SVEP1: variants seen among roughly 807,000 people sequenced by gnomAD.
SVEP1 encodes the protein sushi, von Willebrand factor type A, EGF and pentraxin domain-containing protein 1.
SVEP1 carries 164 observed loss-of-function variants against 367.3 expected under a neutral mutation model. The observed-to-expected ratio is 0.45, with a 90% CI of 0.39 to 0.51. The LOEUF (loss-of-function observed/expected upper bound fraction) is 0.51. SVEP1 is among the 20% of genes least tolerant of loss of function. SVEP1 has a pLI of 0.00. For synonymous variants in SVEP1, 1,666 were observed against 1,611.6 expected, an observed-to-expected ratio of 1.03 and a Z score of -0.81; for missense variants, 4,117 against 4,425.3, an observed-to-expected ratio of 0.93 and a Z score of 1.98.
chr9:110,507,128 A>G (rs1564162246), intron 5 of SVEP1, among the ~76,000 whole-genome samples: 1 of 152,332 alleles, frequency 6.6e-6, no homozygotes, highest in East Asian at 1.9e-4. Flanking sequence ...CAAGCATTGG[A>G]CATCGTACAA....
rs115999560 is a variant in SVEP1, at chr9:110,563,196, C to T, written c.532-13092G>A. 4.5e-3 allele frequency among the ~76,000 whole-genome samples: 689 copies of T among 152,122 alleles called. 5 individuals are homozygous for T. Among genetic ancestry groups the T allele is most frequent in the African/African-American group, 0.015 (640 of 41,502 alleles). ...TGGTATATCTACATGAAAAAATATA[C>T]TTGAAAGGTAATTTTAGAGGAATCT... On this transcript the variant is annotated intron_variant, in intron 1 of 47. Coordinates refer to ENST00000374469, the MANE Select transcript of SVEP1 (RefSeq NM_153366.4).
At chr9:110,394,046 G>C (rs1321396621) in intron 40 of SVEP1, among the ~76,000 whole-genome samples, 3 of 152,202 alleles carry the variant, frequency 2.0e-5, no homozygotes, top group African/African-American at 4.8e-5. Context: ...TCTGACAACA[G>C]GCAGACTGCC....
At position 110,382,213 on chromosome 9, in the gene SVEP1, G is replaced by A. The variant is rs1309974814; in HGVS notation, c.10238-2696C>T. ...TTCAGGGTGTTTTTTGTAGCGGCTGGTAACAATTCTTCCTCTCCATATTTA... is the reference window on the plus strand; with the variant it reads ...TTCAGGGTGTTTTTTGTAGCGGCTGATAACAATTCTTCCTCTCCATATTTA... On this transcript the variant is annotated intron_variant, in intron 43 of 47. Transcript: ENST00000374469. 4.6e-5 allele frequency among the ~76,000 whole-genome samples: 7 copies of A among 152,106 alleles called. No homozygotes were observed. The East Asian group carries it at 1.3e-3, about 29-fold the overall frequency.
Position 110,411,305 on chromosome 9 carries a change from G to C in SVEP1, c.6406C>G (p.Pro2136Ala). The change falls in exon 37 of 48, where the codon CCC becomes GCC. Residue 2136 changes from proline (P) to alanine (A), a missense_variant. Pro to Ala is a conservative substitution (Grantham distance 27). Transcript: ENST00000374469. ...ACAGGGATGCACTGGATGGACATGG[G>C]GGAAGGGTTCCACTGCCCACCTCTC... is the stretch of plus-strand genomic sequence containing the variant. The part of the protein sequence containing the change: ...CMRGGQWNPS[P>A]MSIQCIPVRC... The C allele has an allele frequency of 6.2e-7, 1 of 1,614,008 alleles. No individual in the cohort carries two copies. The highest frequency in any genetic ancestry group is 8.5e-7 in the Non-Finnish European group (1 of 1,179,902).
chr9:110,401,111 A>G, intron 39 of SVEP1, 102 bp from the exon 40 acceptor site: 1 of 1,434,924 alleles, frequency 7.0e-7, no homozygotes, highest in Non-Finnish European at 9.4e-7. Context: ...CTCCAAAATG[A>G]TAGTCAAAAG....
At chr9:110,403,958 A>G (rs908352996) in intron 39 of SVEP1, among the ~76,000 whole-genome samples, 4 of 152,124 alleles carry the variant, frequency 2.6e-5, no homozygotes, top group African/African-American at 9.6e-5. Flanking sequence ...ATTTGACACC[A>G]ATTATCTGTC....
chr9:110,564,089 TGACTG>T (rs2118873684), intron 1 of SVEP1, among the ~76,000 whole-genome samples: 1 of 152,288 alleles, frequency 6.6e-6, no homozygotes, highest in East Asian at 1.9e-4. Context: ...GGCTGTTGAT[TGACTG>T]GACTGCAAAA....
chr9:110,574,482 C>G (rs1377309735), intron 1 of SVEP1, among the ~76,000 whole-genome samples: 2 of 152,148 alleles, frequency 1.3e-5, no homozygotes, highest in African/African-American at 4.8e-5. Context: ...CATGATGAAA[C>G]GTACAAAGTT....
intron 38 of SVEP1, 137 bp downstream of exon 38, chr9:110,406,023 A>T (rs1415084508): frequency 9.3e-7 from 1 of 1,075,028 alleles, no homozygotes; most frequent in East Asian, 2.7e-5. Context: ...GAATAAAGCC[A>T]AGTGTTAAAA....
At chr9:110,532,375 A>G (rs996075878) in intron 3 of SVEP1, among the ~76,000 whole-genome samples, 5 of 152,286 alleles carry the variant, frequency 3.3e-5, no homozygotes, top group African/African-American at 1.2e-4. Context: ...GATGAGAGGA[A>G]AGGTGTCATA....
At chr9:110,413,413 G>T (rs1273537536) in intron 36 of SVEP1, among the ~76,000 whole-genome samples, 1 of 122,726 alleles carries the variant, frequency 8.1e-6, no homozygotes, top group East Asian at 2.8e-4. Context: ...AGGGGGGAGG[G>T]ATAGCTTTGG....
chr9:110,388,846 G>A (rs1234915800), intron 41 of SVEP1, among the ~76,000 whole-genome samples: 1 of 151,678 alleles, frequency 6.6e-6, no homozygotes, highest in Non-Finnish European at 1.5e-5. Context: ...GAGCATGCCT[G>A]TAGCCCCAGC....
chr9:110,542,828 G>A (rs1259663244), intron 3 of SVEP1, among the ~76,000 whole-genome samples: 2 of 127,958 alleles, frequency 1.6e-5, no homozygotes, highest in East Asian at 2.7e-4. Context: ...CTTTTGGGGA[G>A]GGGGGAGGGA....
Position 110,425,047 on chromosome 9 carries a change from T to C in SVEP1, c.5975+2544A>G, listed in dbSNP as rs183515169. Among the ~76,000 whole-genome samples the C allele has an allele frequency of 1.7e-3, 256 of 152,222 alleles. 1 individual carries two copies. The highest frequency in any genetic ancestry group is 2.7e-3 in the Non-Finnish European group (182 of 68,038). ...CAGAAGAAATGAACAAGAGAGAGGC[T>C]TTCCTTCCAGTCTGGCCACTTTCAG... On this transcript the variant is annotated intron_variant, in intron 36 of 47. Coordinates refer to ENST00000374469, the MANE Select transcript of SVEP1 (RefSeq NM_153366.4).
intron 46 of SVEP1, 112 bp from the exon 47 acceptor site, chr9:110,370,128 G>A (rs945341321): frequency 6.7e-6 from 6 of 889,916 alleles, no homozygotes; most frequent in African/African-American, 1.7e-5. Flanking sequence ...GCCACTGCTG[G>A]TCTTCATATA....
chr9:110,423,806 GGAAA>G (rs10599985), intron 36 of SVEP1, among the ~76,000 whole-genome samples: 33,470 of 151,840 alleles, frequency 0.22, 4,152 homozygotes, highest in East Asian at 0.37. Context: ...AAACAAAATG[GGAAA>G]GAGACACAAA....
At chr9:110,387,214 T>C (rs909150481) in intron 42 of SVEP1, 71 bp downstream of exon 42, 25 of 1,463,834 alleles carry the variant, frequency 1.7e-5, no homozygotes, top group South Asian at 7.6e-5. Flanking sequence ...GCTTCCTCTA[T>C]GTTTTGGATA....
chr9:110,504,901 G>T (rs1269071779), intron 5 of SVEP1, among the ~76,000 whole-genome samples: 3 of 152,130 alleles, frequency 2.0e-5, no homozygotes, highest in African/African-American at 4.8e-5. Context: ...CGTGCTCGGG[G>T]TAGAGCATGT....
In SVEP1 at chr9:110,436,510, G is replaced by C; in HGVS notation, c.4640-6C>G. ...CAGAACTAACGCACCACCACCTAAG[G>C]AGAGAGAAAGAGAAAGAAAAGGAGG... On this transcript the variant is annotated splice_polypyrimidine_tract_variant and splice_region_variant and intron_variant, in intron 27 of 47. Coordinates refer to ENST00000374469, the MANE Select transcript of SVEP1 (RefSeq NM_153366.4). The C allele has an allele frequency of 6.2e-7, 1 of 1,612,084 alleles. No homozygotes were observed. Among genetic ancestry groups the C allele is most frequent in the East Asian group, 2.2e-5 (1 of 44,822 alleles).
Sources: gnomAD v4.1 joint callset for allele counts (sites outside exome capture counted in the v4.1 genomes callset) on GRCh38, gnomAD v4.1.1 for gene constraint, MANE v1.5 for transcripts, NCBI Gene and HGNC (gene_info 2026-07-23, HGNC 2026-07-21) for gene names.